The following SCAMP2 variants were observed in gnomAD, a reference collection of about 807,000 sequenced individuals.
SCAMP2 encodes secretory carrier membrane protein 2.
Under a neutral mutation model 44.1 loss-of-function variants are expected in SCAMP2, and 25 were observed. The observed-to-expected ratio is 0.57, with a 90% CI of 0.41 to 0.79. SCAMP2 has a LOEUF of 0.79. Ranked by LOEUF, SCAMP2 falls within the 30% of genes least tolerant of loss-of-function variation. The pLI is 0.00. For synonymous variants in SCAMP2, 156 were observed against 166.0 expected (o/e 0.94, Z 0.46); for missense variants, 355 against 411.0 (o/e 0.86, Z 1.18).
At chr15:74,863,284 T>G (rs2064520833) in intron 1 of SCAMP2, among the ~76,000 whole-genome samples, 1 of 151,220 alleles carries the variant, frequency 6.6e-6, no homozygotes, top group Non-Finnish European at 1.5e-5. Context: ...GGCGGGGAGA[T>G]TGCAGTGAGT....
intron 3 of SCAMP2, chr15:74,853,400 G>C: frequency 2.2e-6 from 1 of 456,424 alleles, no homozygotes; most frequent in Non-Finnish European, 4.4e-6. Context: ...CTGTCTCTGA[G>C]AATACTTTCT....
In SCAMP2 at chr15:74,869,022, T is replaced by C. The variant is rs371522854; in HGVS notation, c.57+4177A>G. On this transcript the variant is annotated intron_variant, in intron 1 of 8. Transcript: ENST00000268099. Reference sequence around the variant, plus strand: ...AATACAGAAATTCTGAGCGTGGTGGTGGGTGCCTGTAATCCTACCTACTCA... The same window carrying C: ...AATACAGAAATTCTGAGCGTGGTGGCGGGTGCCTGTAATCCTACCTACTCA... 5.3e-5 allele frequency among the ~76,000 whole-genome samples: 8 copies of C among 152,132 alleles called. No homozygotes were observed. The South Asian group carries it at 1.7e-3, about 32-fold the overall frequency.
intron 1 of SCAMP2, among the ~76,000 whole-genome samples, chr15:74,866,794 CTTTCT>C (rs1366374030): frequency 9.8e-6 from 1 of 102,336 alleles, no homozygotes; most frequent in African/African-American, 3.7e-5. Context: ...CATTTATTTT[CTTTCT>C]TTTTTTTTTT....
At chr15:74,864,293 C>A (rs572311411) in intron 1 of SCAMP2, among the ~76,000 whole-genome samples, 1 of 152,260 alleles carries the variant, frequency 6.6e-6, no homozygotes, top group East Asian at 1.9e-4. Flanking sequence ...GATCTCCTGA[C>A]CTTGTGATCC....
chr15:74,847,506 G>A (rs564939952), intron 7 of SCAMP2, among the ~76,000 whole-genome samples: 1 of 152,358 alleles, frequency 6.6e-6, no homozygotes, highest in Admixed American at 6.5e-5. Flanking sequence ...CTGGTCAAAA[G>A]GGACCAGATT....
Position 74,873,150 on chromosome 15 carries a change from G to C in SCAMP2, c.57+49C>G, listed in dbSNP as rs547914722. On this transcript the variant is annotated intron_variant, in intron 1 of 8. Coordinates refer to ENST00000268099, the MANE Select transcript of SCAMP2 (RefSeq NM_005697.5). ...CTAGCGAGAGGCCCGGGCGGCGGCC[G>C]TGGGCCCTAGGGAAATCTGAGAGCT... The C allele has an allele frequency of 7.9e-6, 11 of 1,390,254 alleles. No individual in the cohort carries two copies. In the South Asian group the frequency reaches 1.5e-4, roughly 18 times the overall value. 86.1% of individuals were successfully genotyped at this position (1,390,254 alleles called of 1,614,324 possible). A position where few individuals can be genotyped will look rare whatever the true frequency, so the allele number is the denominator to read the frequency against.
At chr15:74,856,075 T>C (rs951659382) in intron 1 of SCAMP2, among the ~76,000 whole-genome samples, 14 of 151,794 alleles carry the variant, frequency 9.2e-5, no homozygotes, top group Non-Finnish European at 1.5e-5. Context: ...AGGGCTCAGG[T>C]CCAGCTTCAC....
At chr15:74,846,595 C>T (rs1297511761) in intron 7 of SCAMP2, among the ~76,000 whole-genome samples, 1 of 152,114 alleles carries the variant, frequency 6.6e-6, no homozygotes, top group Admixed American at 6.5e-5. Flanking sequence ...AACCCCATCT[C>T]TACTAAAAAT....
chr15:74,853,235 C>G, intron 3 of SCAMP2: 1 of 354,760 alleles, frequency 2.8e-6, no homozygotes, highest in Non-Finnish European at 5.7e-6. Context: ...TACAGCCCAC[C>G]ACCCAGCTGC....
chr15:74,872,517 T>C (rs1203430950), intron 1 of SCAMP2, among the ~76,000 whole-genome samples: 1 of 152,082 alleles, frequency 6.6e-6, no homozygotes, highest in Non-Finnish European at 1.5e-5. Context: ...GGTCCAGAAT[T>C]TTTCACAGTC....
chr15:74,862,124 G>C (rs960448384), intron 1 of SCAMP2, among the ~76,000 whole-genome samples: 12 of 149,636 alleles, frequency 8.0e-5, no homozygotes, highest in African/African-American at 2.7e-4. Flanking sequence ...TTAGCCAGGC[G>C]TGGTGGCATG....
chr15:74,850,514 C>A lies in SCAMP2; in HGVS notation c.632G>T (p.Arg211Met). 1 of 1,613,834 alleles carries A rather than the reference C, an allele frequency of 6.2e-7. No individual in the cohort carries two copies. Among genetic ancestry groups the A allele is most frequent in the Non-Finnish European group, 8.5e-7 (1 of 1,179,846 alleles). ...CWYRPIYKAF[R>M]SDNSFSFFVF... ...CACCCCTTGCCCCGGCCTCACTCACCTAAAGGCCTTATAGATGGGTCGGTA... is the reference window on the plus strand; with the variant it reads ...CACCCCTTGCCCCGGCCTCACTCACATAAAGGCCTTATAGATGGGTCGGTA... Residue 211 changes from arginine to methionine, a missense_variant and splice_region_variant, in exon 6 of 9, where the codon AGG (arginine) becomes ATG (methionine). By Grantham distance (91) the Arg-to-Met change is moderately conservative. Coordinates refer to ENST00000268099, the MANE Select transcript of SCAMP2 (RefSeq NM_005697.5).
Position 74,864,893 on chromosome 15 carries a change from T to C in SCAMP2, c.57+8306A>G, listed in dbSNP as rs1294362965. The stretch of plus-strand genomic sequence containing the variant: ...CTAGAGGTCAGAAGTTTGAGACCAG[T>C]CTGGCCAACATGGTGAAACCCCATC... On this transcript the variant is annotated intron_variant, in intron 1 of 8. Coordinates refer to ENST00000268099, the MANE Select transcript of SCAMP2 (RefSeq NM_005697.5). 6.2e-4 allele frequency among the ~76,000 whole-genome samples: 83 copies of C among 133,190 alleles called. No homozygotes were observed. The Middle Eastern group carries it at 0.015, about 25-fold the overall frequency. 87.4% of individuals were successfully genotyped at this position (133,190 alleles called of 152,430 possible).
At chr15:74,850,462 C>T in intron 6 of SCAMP2, 52 bp downstream of exon 6, 1 of 1,561,674 alleles carries the variant, frequency 6.4e-7, no homozygotes, top group Non-Finnish European at 8.8e-7. Flanking sequence ...CCTTAGCCTG[C>T]TACCTGGGAT....
chr15:74,858,205 C>A (rs1205226451), intron 1 of SCAMP2, among the ~76,000 whole-genome samples: 1 of 152,090 alleles, frequency 6.6e-6, no homozygotes, highest in Non-Finnish European at 1.5e-5. Flanking sequence ...CCAAACTCAC[C>A]ACACAATGAT....
At chr15:74,869,872 C>G (rs932045772) in intron 1 of SCAMP2, among the ~76,000 whole-genome samples, 1 of 152,128 alleles carries the variant, frequency 6.6e-6, no homozygotes, top group Non-Finnish European at 1.5e-5. Context: ...GTGCCAACAC[C>G]CTGAGTAAAT....
intron 1 of SCAMP2, among the ~76,000 whole-genome samples, chr15:74,869,965 T>A (rs1186798028): frequency 6.6e-6 from 1 of 152,030 alleles, no homozygotes; most frequent in East Asian, 1.9e-4. Flanking sequence ...GACATCACCA[T>A]CTCAAGGAAA....
At position 74,854,004 on chromosome 15, in the gene SCAMP2, T is replaced by TTC; in HGVS notation, c.225+15_225+16dup. ...CCTCACTGGAGAGAAAAGGCCAGAG[T>TTC]TCTTTGTCAGCACTACCTGGGGGGT... On this transcript the variant is annotated intron_variant, in intron 3 of 8. Coordinates refer to ENST00000268099, the MANE Select transcript of SCAMP2 (RefSeq NM_005697.5). 1 of 1,605,134 alleles carries TTC rather than the reference T, an allele frequency of 6.2e-7. No individual in the cohort carries two copies. Among genetic ancestry groups the TTC allele is most frequent in the Non-Finnish European group, 8.5e-7 (1 of 1,172,190 alleles).
intron 3 of SCAMP2, chr15:74,853,732 A>G: frequency 2.0e-6 from 1 of 503,002 alleles, no homozygotes; most frequent in South Asian, 2.1e-5. Flanking sequence ...GAGGACCTGG[A>G]GGGGTACAAC....
Sources: gnomAD v4.1 joint callset for allele counts (sites outside exome capture counted in the v4.1 genomes callset) on GRCh38, gnomAD v4.1.1 for gene constraint, MANE v1.5 for transcripts, NCBI Gene and HGNC (gene_info 2026-07-23, HGNC 2026-07-21) for gene names.